Variants in BRPF3 observed in about 807,000 individuals in gnomAD.
The protein encoded by BRPF3 is bromodomain and PHD finger containing 3.
In BRPF3, 18 loss-of-function variants were observed where a neutral mutation model predicts 102.0. That is an observed-to-expected ratio of 0.18 (90% confidence interval 0.12 to 0.26). The LOEUF (loss-of-function observed/expected upper bound fraction) is 0.26, where lower values mean the gene tolerates loss of function less well. Among genes scored for constraint, BRPF3 ranks in the 10% least tolerant of loss-of-function variants. BRPF3 has a pLI of 1.00. For missense variants in BRPF3, 1,147 were observed against 1,567.8 expected (o/e 0.73, Z 4.53); for synonymous variants, 570 against 614.2 (o/e 0.93, Z 1.06).
intron 11 of BRPF3, 119 bp from the exon 12 acceptor site, chr6:36,228,783 A>G (rs1768831419): frequency 5.1e-6 from 6 of 1,185,414 alleles, no homozygotes; most frequent in Non-Finnish European, 7.3e-6. Flanking sequence ...GACATCAAAG[A>G]TATCCCACTC....
At position 36,225,489 on chromosome 6, in the gene BRPF3, T is replaced by G. The variant is rs560762259; in HGVS notation, c.3279+125T>G. The G allele has an allele frequency of 5.4e-4, 444 of 823,360 alleles. 1 individual carries two copies. The highest frequency in any genetic ancestry group is 2.3e-3 in the Middle Eastern group (10 of 4,266). The allele number at this position is 823,360 out of a possible 1,614,324, so 51.0% of individuals were successfully genotyped here. On this transcript the variant is annotated intron_variant, in intron 11 of 12. Transcript: ENST00000357641. ...TCTTTAGCTGTAGAGGGGAGGGGGG[T>G]TTTGCCCCAGCCTGAGTGGGTCAAA...
In BRPF3 at chr6:36,204,619, A is replaced by G. The variant is rs985666314; in HGVS notation, c.1449-39A>G. ...GCACAGGCTGTAATCTGGGCTGCCCACTGACCTTGTCTTTCACTTCCGTGT... is the reference window on the plus strand; with the variant it reads ...GCACAGGCTGTAATCTGGGCTGCCCGCTGACCTTGTCTTTCACTTCCGTGT... On this transcript the variant is annotated intron_variant, in intron 2 of 12. Transcript: ENST00000357641. The G allele has an allele frequency of 5.0e-6, 8 of 1,613,610 alleles. No individual in the cohort carries two copies. The South Asian group carries it at 5.5e-5, about 11-fold the overall frequency.
Position 36,214,279 on chromosome 6 carries a change from C to A in BRPF3, c.2882C>A (p.Ala961Asp), listed in dbSNP as rs756837870. Residue 961 changes from alanine (A) to aspartate (D), a missense_variant, in exon 8 of 13, where the codon GCC becomes GAC. Around this residue, in one of 11 missense-constraint regions of BRPF3, gnomAD observed 379 missense variants for 426.3 expected, o/e 0.89. Transcript: ENST00000357641. ...GEDHGVAGSPASPASIEEERH... is the reference protein window; with the variant it reads ...GEDHGVAGSPDSPASIEEERH... The stretch of plus-strand genomic sequence containing the variant: ...GACCATGGTGTGGCAGGCTCTCCTG[C>A]CTCTCCAGCCAGCATCGAGGAAGAG... 50 of 1,613,894 alleles carry A rather than the reference C, an allele frequency of 3.1e-5. No homozygotes were observed. In the South Asian group the frequency reaches 5.0e-4, roughly 16 times the overall value.
In BRPF3 at chr6:36,210,479, G is replaced by T. The variant is rs1298546682; in HGVS notation, c.2130G>T (p.Leu710=). The stretch of plus-strand genomic sequence containing the variant: ...ATGACCCCGAGAGGGGCACTCACCT[G>T]CCCGAGTCACCCAAATTGGAAGACT... ...IGYDPERGTH[L]PESPKLEDFY... Residue 710 remains leucine (L), a synonymous_variant, in exon 6 of 13, where the codon CTG becomes CTT. Coordinates refer to ENST00000357641, the MANE Select transcript of BRPF3 (RefSeq NM_015695.3). This position sits in a 1 kb window ranked among gnomAD's most constrained non-coding sequence, Gnocchi z 4.7. 1 of 1,604,380 alleles carries T rather than the reference G, an allele frequency of 6.2e-7. No homozygotes were observed.
At chr6:36,215,631 T>C (rs1369258007) in intron 8 of BRPF3, among the ~76,000 whole-genome samples, 1 of 151,880 alleles carries the variant, frequency 6.6e-6, no homozygotes, top group African/African-American at 2.4e-5. Flanking sequence ...GCTGTAGGAG[T>C]TGGGCTGAGC....
intron 8 of BRPF3, 53 bp downstream of exon 8, chr6:36,214,439 C>T: frequency 2.0e-6 from 3 of 1,502,346 alleles, no homozygotes; most frequent in South Asian, 1.3e-5. Flanking sequence ...TTCTGCTTTG[C>T]CTTGCCAACC....
intron 1 of BRPF3, among the ~76,000 whole-genome samples, chr6:36,198,289 A>G (rs1767577221): frequency 6.6e-6 from 1 of 152,212 alleles, no homozygotes; most frequent in Non-Finnish European, 1.5e-5. Flanking sequence ...TACCTTATTA[A>G]CAAGTAGCAC....
intron 10 of BRPF3, among the ~76,000 whole-genome samples, chr6:36,224,226 A>C (rs1254093046): frequency 2.0e-5 from 3 of 152,216 alleles, no homozygotes; most frequent in Non-Finnish European, 4.4e-5. Context: ...AAATTTTTTA[A>C]AAAGTGAGGT....
intron 2 of BRPF3, among the ~76,000 whole-genome samples, chr6:36,203,268 G>A (rs546284927): frequency 1.1e-4 from 17 of 152,160 alleles, no homozygotes; most frequent in Non-Finnish European, 1.6e-4. Context: ...GCTGCTCTAA[G>A]CCTTAGTTTA....
chr6:36,204,080 C>T (rs1767815743), intron 2 of BRPF3, among the ~76,000 whole-genome samples: 1 of 152,210 alleles, frequency 6.6e-6, no homozygotes, highest in African/African-American at 2.4e-5. Context: ...CATCCTCTTA[C>T]ATCTTTAGAT....
intron 4 of BRPF3, 147 bp from the exon 5 acceptor site, chr6:36,209,640 G>T: frequency 1.1e-6 from 1 of 892,776 alleles, no homozygotes; most frequent in Non-Finnish European, 1.6e-6. Flanking sequence ...GCTAAAGGTT[G>T]GGTGATAGCT....
rs568395574 is a variant in BRPF3, at chr6:36,213,726, C to G, written c.2483-154C>G. On this transcript the variant is annotated intron_variant, in intron 7 of 12. Coordinates refer to ENST00000357641, the MANE Select transcript of BRPF3 (RefSeq NM_015695.3). ...TCTGAAAAAAAAAAAAAACCTAATCCTCCTTTCTCTTTGCTTCAGATCTAA... is the reference window on the plus strand; with the variant it reads ...TCTGAAAAAAAAAAAAAACCTAATCGTCCTTTCTCTTTGCTTCAGATCTAA... 8.2e-5 allele frequency: 66 copies of G among 806,466 alleles called. No homozygotes were observed. The African/African-American group carries it at 8.8e-4, about 11-fold the overall frequency. 50.0% of individuals were successfully genotyped at this position (806,466 alleles called of 1,614,324 possible). A position where few individuals can be genotyped will look rare whatever the true frequency, so the allele number is the denominator to read the frequency against.
In BRPF3 at chr6:36,210,295, G is replaced by A. The variant is rs1465543607; in HGVS notation, c.1946G>A (p.Arg649His). The A allele has an allele frequency of 3.7e-6, 6 of 1,614,102 alleles. No individual in the cohort carries two copies. The Admixed American group carries it at 5.0e-5, about 13-fold the overall frequency. The change falls in exon 6 of 13, where the codon CGC (arginine) becomes CAC (histidine). Residue 649 changes from arginine to histidine, a missense_variant. This residue lies in a region of BRPF3 where 109 missense variants were observed against 175.1 expected (regional missense o/e 0.62). Coordinates refer to ENST00000357641, the MANE Select transcript of BRPF3 (RefSeq NM_015695.3). The surrounding 1 kb of genome is among the most constrained non-coding windows in gnomAD (Gnocchi z 4.7). ...MRRKLESHLY[R>H]TLEEFEEDFN... ...CGGAAGCTGGAGTCCCACCTGTACC[G>A]CACCTTGGAGGAGTTTGAGGAGGAC...
At chr6:36,208,529 G>A (rs1048204540) in intron 4 of BRPF3, among the ~76,000 whole-genome samples, 2 of 152,184 alleles carry the variant, frequency 1.3e-5, no homozygotes, top group Non-Finnish European at 2.9e-5. Context: ...TAATTCAGTG[G>A]TCAGCCTTAG....
At chr6:36,213,678 G>A (rs1436263440) in intron 7 of BRPF3, among the ~76,000 whole-genome samples, 1 of 151,426 alleles carries the variant, frequency 6.6e-6, no homozygotes, top group Non-Finnish European at 1.5e-5. Context: ...ACTCCAGCCT[G>A]GTCAACAGAG....
intron 7 of BRPF3, among the ~76,000 whole-genome samples, chr6:36,212,460 C>T (rs141470633): frequency 1.5e-4 from 23 of 151,850 alleles, no homozygotes; most frequent in Non-Finnish European, 3.1e-4. Flanking sequence ...GCTTTTATGT[C>T]CATTGTGACT....
intron 11 of BRPF3, among the ~76,000 whole-genome samples, chr6:36,227,337 G>A (rs1477747522): frequency 6.6e-6 from 1 of 151,996 alleles, no homozygotes; most frequent in Non-Finnish European, 1.5e-5. Flanking sequence ...TTCTAATGTT[G>A]ACTCCAAGCA....
rs1768838739 is a variant in BRPF3, at chr6:36,228,949, T to C, written c.3327T>C (p.Val1109=). The C allele has an allele frequency of 6.2e-7, 1 of 1,614,064 alleles. No homozygotes were observed. ...GGGAGGGCCTCCTGCACAATGGCGT[T>C]CCCATCCCTGTCCCCCCGCTGGACG... is the stretch of plus-strand genomic sequence containing the variant. ...MPREGLLHNG[V]PIPVPPLDVL... is the part of the protein sequence containing the mutation. The change falls in exon 12 of 13, where the codon GTT becomes GTC. Residue 1109 remains valine, a synonymous_variant. Transcript: ENST00000357641.
chr6:36,206,514 T>G (rs1294002865), intron 3 of BRPF3, among the ~76,000 whole-genome samples: 1 of 152,256 alleles, frequency 6.6e-6, no homozygotes, highest in African/African-American at 2.4e-5. Context: ...ATCCTGGATC[T>G]TCCTTGGCTT....
Sources: gnomAD v4.1 joint callset for allele counts (sites outside exome capture counted in the v4.1 genomes callset) on GRCh38, gnomAD v4.1.1 for gene constraint, gnomAD v4.1.1 regional missense constraint, Gnocchi (gnomAD v3.1) non-coding constraint, MANE v1.5 for transcripts, NCBI Gene and HGNC (gene_info 2026-07-23, HGNC 2026-07-21) for gene names.